The following COL6A5 variants were observed in gnomAD, a reference collection of about 807,000 sequenced individuals.
COL6A5 encodes collagen alpha-5(VI) chain.
In COL6A5, 48 loss-of-function variants were observed where a neutral mutation model predicts 65.6. The observed-to-expected ratio is 0.73, with a 90% CI of 0.58 to 0.93. The LOEUF (loss-of-function observed/expected upper bound fraction) is 0.93, where lower values mean the gene tolerates loss of function less well. Among genes scored for constraint, COL6A5 ranks in the 40% least tolerant of loss-of-function variants. The pLI is 0.00. For synonymous variants in COL6A5, 291 were observed against 322.8 expected, an observed-to-expected ratio of 0.90 and a Z score of 1.05; for missense variants, 914 against 928.3, an observed-to-expected ratio of 0.98 and a Z score of 0.20.
At chr3:130,383,395 A>G (rs1936074502) in intron 4 of COL6A5, among the ~76,000 whole-genome samples, 1 of 151,918 alleles carries the variant, frequency 6.6e-6, no homozygotes, top group Non-Finnish European at 1.5e-5. Context: ...ACAGTTACCT[A>G]CTCACCTTTT....
At position 130,444,634 on chromosome 3, in the gene COL6A5, C is replaced by G. The variant is rs377264725; in HGVS notation, c.1332+1068C>G. On this transcript the variant is annotated intron_variant, in intron 4 of 7. Coordinates refer to ENST00000512836, the Ensembl canonical transcript of COL6A5. ...GTTCTCTCGATTTTGAGGCAGGATT[C>G]TTTGACTGGTCCAGCACACTAAAAA... Among the ~76,000 whole-genome samples the G allele has an allele frequency of 3.3e-5, 5 of 152,168 alleles. No individual in the cohort carries two copies. The South Asian group carries it at 6.2e-4, about 19-fold the overall frequency.
chr3:130,445,724 C>T (rs1021675615), intron 4 of COL6A5, among the ~76,000 whole-genome samples: 71 of 152,150 alleles, frequency 4.7e-4, no homozygotes, highest in African/African-American at 1.5e-3. Flanking sequence ...ATGAGCTGAA[C>T]CTCCTATGCA....
intron 27 of COL6A5, among the ~76,000 whole-genome samples, chr3:130,421,792 C>T (rs6785340): frequency 0.024 from 3,628 of 152,206 alleles, 90 homozygotes; most frequent in South Asian, 0.084. Flanking sequence ...CCAAACACTA[C>T]TGTCACTTGA....
chr3:130,452,875 C>T lies in COL6A5; in HGVS notation c.1333-2580C>T, dbSNP rs191798213. On this transcript the variant is annotated intron_variant, in intron 4 of 7. Coordinates refer to ENST00000512836, the Ensembl canonical transcript of COL6A5. ...CATTTTAGAGGCCCACCCTCAGGGG[C>T]ACATTCTCTTTCTCAGGGATGTTCC... Among the ~76,000 whole-genome samples, 393 of 152,238 alleles carry T rather than the reference C, an allele frequency of 2.6e-3. 3 individuals are homozygous for T. Among genetic ancestry groups the T allele is most frequent in the African/African-American group, 8.6e-3 (359 of 41,558 alleles).
intron 8 of COL6A5, among the ~76,000 whole-genome samples, chr3:130,397,076 C>A (rs866720107): frequency 3.3e-4 from 50 of 152,064 alleles, no homozygotes; most frequent in Middle Eastern, 6.8e-3. Flanking sequence ...ACCGTGTTAG[C>A]CAGGATGGTC....
chr3:130,472,657 A>C (rs1480845270), intron 7 of COL6A5, among the ~76,000 whole-genome samples: 3 of 151,870 alleles, frequency 2.0e-5, no homozygotes, highest in African/African-American at 7.3e-5. Context: ...TATACATATT[A>C]ACCAAAAATC....
intron 5 of COL6A5, among the ~76,000 whole-genome samples, chr3:130,386,121 A>G (rs1203263492): frequency 6.6e-6 from 1 of 152,080 alleles, no homozygotes; most frequent in East Asian, 1.9e-4. Context: ...TGCCAGTATT[A>G]GCACATGAAA....
At chr3:130,392,901 A>G (rs1025629246) in intron 7 of COL6A5, among the ~76,000 whole-genome samples, 6 of 152,110 alleles carry the variant, frequency 3.9e-5, no homozygotes, top group African/African-American at 1.4e-4. Context: ...GATTTTTCCC[A>G]AGGCAGCAGG....
intron 1 of COL6A5, among the ~76,000 whole-genome samples, chr3:130,355,792 T>C (rs988206512): frequency 6.6e-6 from 1 of 151,934 alleles, no homozygotes; most frequent in African/African-American, 2.4e-5. Context: ...AACATATATT[T>C]TGTAATATAA....
intron 1 of COL6A5, among the ~76,000 whole-genome samples, chr3:130,362,069 C>T (rs1275136787): frequency 2.0e-5 from 3 of 151,588 alleles, no homozygotes; most frequent in African/African-American, 4.9e-5. Flanking sequence ...TAATGAAGTA[C>T]AGTTCATTAA....
chr3:130,405,566 C>T, intron 13 of COL6A5, 22 bp from the exon 14 acceptor site: 1 of 1,541,620 alleles, frequency 6.5e-7, no homozygotes, highest in Non-Finnish European at 8.8e-7. Flanking sequence ...CTTTGGGTAC[C>T]TGTCTGTGCT....
intron 1 of COL6A5, among the ~76,000 whole-genome samples, chr3:130,434,371 A>AT (rs1937954841): frequency 6.6e-6 from 1 of 152,186 alleles, no homozygotes; most frequent in Non-Finnish European, 1.5e-5. Context: ...TGTCTTTGCT[A>AT]TTGTAAATAG....
chr3:130,430,458 C>A (rs1462416648), upstream of COL6A5, among the ~76,000 whole-genome samples: 1 of 152,012 alleles, frequency 6.6e-6, no homozygotes, highest in East Asian at 1.9e-4. Flanking sequence ...GGGAGTTAGC[C>A]AGATTGGGGA....
intron 7 of COL6A5, among the ~76,000 whole-genome samples, chr3:130,483,704 G>A (rs1710308245): frequency 6.6e-6 from 1 of 152,020 alleles, no homozygotes; most frequent in South Asian, 2.1e-4. Flanking sequence ...AAGATTAGGG[G>A]GATTCTGGGC....
chr3:130,379,851 C>T lies in COL6A5; in HGVS notation c.1101C>T (p.Asn367=), dbSNP rs754621400. 135 of 1,551,200 alleles carry T rather than the reference C, an allele frequency of 8.7e-5. 1 individual carries two copies. The highest frequency in any genetic ancestry group is 2.0e-4 in the East Asian group (8 of 40,910). ...TGAACCTTCGACTGGAGGATGTAAA[C>T]GTGTTTGCCTTGAGCATCCAAGGGG... The change falls in exon 4 of 42, where the codon AAC becomes AAT. Residue 367 remains asparagine, a synonymous_variant and NMD_transcript_variant. Coordinates refer to the COL6A5 transcript ENST00000312481.
At chr3:130,458,346 A>T (rs1378757806) in intron 5 of COL6A5, among the ~76,000 whole-genome samples, 1 of 152,084 alleles carries the variant, frequency 6.6e-6, no homozygotes, top group African/African-American at 2.4e-5. Flanking sequence ...CTTTATAACC[A>T]TTGTAGGTAA....
intron 7 of COL6A5, among the ~76,000 whole-genome samples, chr3:130,472,832 CATATATATATATATATAT>C (rs10654631): frequency 3.0e-5 from 3 of 99,404 alleles, no homozygotes; most frequent in South Asian, 3.9e-4. Context: ...TGTGTGTATA[CATATATATATATATATAT>C]ATATATATAC....
intron 4 of COL6A5, among the ~76,000 whole-genome samples, chr3:130,452,972 G>A (rs552724229): frequency 4.6e-5 from 7 of 152,102 alleles, no homozygotes; most frequent in Admixed American, 2.6e-4. Context: ...GCTCTGTTCC[G>A]CCCAGCTCAC....
exon 5 of COL6A5, chr3:130,455,480 T>G: frequency 6.2e-7 from 1 of 1,612,304 alleles, no homozygotes; most frequent in Non-Finnish European, 8.5e-7. Context: ...ACAAGAGGAT[T>G]TTTTGGGAGG....
Sources: allele counts gnomAD v4.1 joint callset (sites outside exome capture counted in the v4.1 genomes callset), GRCh38; gene constraint gnomAD v4.1.1; transcripts MANE v1.5; gene names NCBI Gene and HGNC (gene_info 2026-07-23, HGNC 2026-07-21).